SHLD1: variants seen among roughly 807,000 people sequenced by gnomAD.
The protein encoded by SHLD1 is RINN1-REV7-interacting novel NHEJ regulator 3.
A neutral mutation model predicts 5.5 loss-of-function variants in SHLD1; 3 were observed. The ratio of observed to expected loss-of-function variants is 0.54; its 90% CI spans 0.25 to 1.40. SHLD1 has a LOEUF of 1.40. Ranked by LOEUF, SHLD1 falls within the 40% of genes most tolerant of loss-of-function variation. The pLI, the probability that SHLD1 is intolerant of heterozygous loss-of-function variation, is 0.15. For missense variants in SHLD1, 210 were observed against 244.4 expected (o/e 0.86, Z 0.94); for synonymous variants, 92 against 94.3 (o/e 0.98, Z 0.14).
rs144978490 is a variant in SHLD1 at position 5,855,290 on chromosome 20, A to G, written c.179-7734A>G. Among the ~76,000 whole-genome samples, 584 of 152,264 alleles carry G rather than the reference A, an allele frequency of 3.8e-3. 6 individuals carry two copies. Among genetic ancestry groups the G allele is most frequent in the African/African-American group, 0.014 (565 of 41,544 alleles). On this transcript the variant is annotated intron_variant, in intron 2 of 2. Coordinates refer to ENST00000303142, the MANE Select transcript of SHLD1 (RefSeq NM_152504.4). The surrounding 1 kb of genome is among the most constrained non-coding windows in gnomAD (Gnocchi z 4.4). The stretch of plus-strand genomic sequence containing the variant: ...AGCATAATGTCCTCAGGGTTCGTTC[A>G]TGTTGTAGCGTGTGTCACAGTGTCC...
chr20:5,796,136 A>T lies in SHLD1; in HGVS notation c.178+23093A>T, dbSNP rs145581722. On this transcript the variant is annotated intron_variant, in intron 2 of 2. Coordinates refer to ENST00000303142, the MANE Select transcript of SHLD1 (RefSeq NM_152504.4). ...GGTGCTAGAAATCATTACTTAAGGA[A>T]TAGAAATTAGAATGTTGTTATACAT... Among the ~76,000 whole-genome samples the T allele has an allele frequency of 2.5e-4, 38 of 152,320 alleles. No individual in the cohort carries two copies. In the East Asian group the frequency reaches 7.3e-3, roughly 29 times the overall value.
chr20:5,844,985 A>G (rs927082140), intron 2 of SHLD1, among the ~76,000 whole-genome samples: 4 of 151,384 alleles, frequency 2.6e-5, no homozygotes, highest in Admixed American at 2.6e-4. Flanking sequence ...TTTAGTAGAG[A>G]TGGGGTTTCA....
chr20:5,797,124 A>G (rs2087224968), intron 2 of SHLD1, among the ~76,000 whole-genome samples: 1 of 152,210 alleles, frequency 6.6e-6, no homozygotes, highest in African/African-American at 2.4e-5. Context: ...GGATGCTGTG[A>G]TTTTAAAAAT....
chr20:5,852,823 T>C (rs2088029563), intron 2 of SHLD1, among the ~76,000 whole-genome samples: 2 of 152,210 alleles, frequency 1.3e-5, no homozygotes, highest in Admixed American at 1.3e-4. Flanking sequence ...AAAAAATCCT[T>C]GAACTATGTC....
intron 2 of SHLD1, among the ~76,000 whole-genome samples, chr20:5,832,132 G>T (rs1329798937): frequency 1.3e-5 from 2 of 152,290 alleles, no homozygotes; most frequent in East Asian, 3.9e-4. Flanking sequence ...ATAGCGATGG[G>T]GTTTCACCAT....
chr20:5,793,773 G>A (rs149048325), intron 2 of SHLD1, among the ~76,000 whole-genome samples: 428 of 151,916 alleles, frequency 2.8e-3, no homozygotes, highest in African/African-American at 9.9e-3. Flanking sequence ...GCAGTGACAC[G>A]ATCTCGGCTC....
At chr20:5,823,168 C>T (rs1793356228) in intron 2 of SHLD1, among the ~76,000 whole-genome samples, 1 of 152,084 alleles carries the variant, frequency 6.6e-6, no homozygotes, top group South Asian at 2.1e-4. Flanking sequence ...CCCTTGGCTC[C>T]TGGGACCCCT....
intron 1 of SHLD1, among the ~76,000 whole-genome samples, chr20:5,764,086 CA>C (rs1326409515): frequency 1.4e-5 from 2 of 141,158 alleles, no homozygotes; most frequent in East Asian, 4.0e-4. Context: ...GAGATCGTGC[CA>C]CTGCACTCCA....
At chr20:5,798,615 TTC>T (rs1207867049) in intron 2 of SHLD1, among the ~76,000 whole-genome samples, 2 of 81,974 alleles carry the variant, frequency 2.4e-5, no homozygotes, top group African/African-American at 4.7e-5. Flanking sequence ...CATTTTAGTT[TTC>T]TTTTTTTTTT....
At chr20:5,844,881 G>A (rs2087914248) in intron 2 of SHLD1, among the ~76,000 whole-genome samples, 2 of 145,994 alleles carry the variant, frequency 1.4e-5, no homozygotes, top group South Asian at 4.4e-4. Flanking sequence ...TGCAACCTCC[G>A]CCTCCTGGGT....
In SHLD1 at chr20:5,863,201, C is replaced by T. The variant is rs1411835300; in HGVS notation, c.356C>T (p.Ala119Val). ...CCAGGCTCTGCAAACTCACTCTCTG[C>T]ATCTGTCTGCAAGTGCCTGTCTCAG... ...PQPGSANSLS[A>V]SVCKCLSQKI... The change falls in exon 3 of 3, where the codon GCA (alanine) becomes GTA (valine). Residue 119 changes from alanine to valine, a missense_variant. Transcript: ENST00000303142. 5.0e-6 allele frequency: 8 copies of T among 1,614,174 alleles called. No individual in the cohort carries two copies. The highest frequency in any genetic ancestry group is 6.8e-6 in the Non-Finnish European group (8 of 1,180,022).
At chr20:5,817,432 C>CTCTCTCTCTCTCTCTCTGTG (rs1473391202) in intron 2 of SHLD1, among the ~76,000 whole-genome samples, 3 of 85,666 alleles carry the variant, frequency 3.5e-5, no homozygotes, top group African/African-American at 1.1e-4. Context: ...CTCTCTCTCT[C>CTCTCTCTCTCTCTCTCTGTG]TGTGTGTGTG....
intron 2 of SHLD1, among the ~76,000 whole-genome samples, chr20:5,827,524 G>A (rs768764004): frequency 3.6e-4 from 54 of 152,086 alleles, no homozygotes; most frequent in Middle Eastern, 3.4e-3. Context: ...ATGGGCCCCC[G>A]CAGTCTGGCC....
chr20:5,804,037 G>A (rs4813780), intron 2 of SHLD1, among the ~76,000 whole-genome samples: 19,369 of 151,888 alleles, frequency 0.13, 1,582 homozygotes, highest in Non-Finnish European at 0.18. Flanking sequence ...ATGGCCGGGC[G>A]CAGTGGCTCA....
At chr20:5,754,414 A>T (rs188450218) in intron 1 of SHLD1, among the ~76,000 whole-genome samples, 1 of 152,086 alleles carries the variant, frequency 6.6e-6, no homozygotes, top group East Asian at 1.9e-4. Context: ...CCTGGCCATG[A>T]TCTCTATTTT....
chr20:5,859,077 T>TG (rs1405510138), intron 2 of SHLD1, among the ~76,000 whole-genome samples: 1 of 152,014 alleles, frequency 6.6e-6, no homozygotes, highest in East Asian at 1.9e-4. Context: ...ACCATTGTTG[T>TG]GGGGTAAAAA....
chr20:5,804,743 T>C (rs932496563), intron 2 of SHLD1, among the ~76,000 whole-genome samples: 2 of 152,236 alleles, frequency 1.3e-5, no homozygotes, highest in Non-Finnish European at 2.9e-5. Context: ...AGAAGGAGCC[T>C]CTTGTTCAAT....
chr20:5,770,088 T>C lies in SHLD1; in HGVS notation c.-4-2774T>C, dbSNP rs143258172. 3.3e-4 allele frequency among the ~76,000 whole-genome samples: 50 copies of C among 151,754 alleles called. No homozygotes were observed. The East Asian group carries it at 4.1e-3, about 12-fold the overall frequency. On this transcript the variant is annotated intron_variant, in intron 1 of 2. Coordinates refer to ENST00000303142, the MANE Select transcript of SHLD1 (RefSeq NM_152504.4). ...GGCGCAGGCACTGTTAGTGTTCGGC[T>C]ACTATTGACTTTCTGAGGTTACATC... is the stretch of plus-strand genomic sequence containing the variant.
chr20:5,839,212 A>T (rs1032861706), intron 2 of SHLD1, among the ~76,000 whole-genome samples: 29 of 152,252 alleles, frequency 1.9e-4, no homozygotes, highest in African/African-American at 6.3e-4. Context: ...TTGTCATGTC[A>T]AATGAAATAT....
Sources: gnomAD v4.1 joint callset for allele counts (sites outside exome capture counted in the v4.1 genomes callset) on GRCh38, gnomAD v4.1.1 for gene constraint, Gnocchi (gnomAD v3.1) non-coding constraint, MANE v1.5 for transcripts, NCBI Gene and HGNC (gene_info 2026-07-23, HGNC 2026-07-21) for gene names.